Variants in GFPT1 observed in about 807,000 individuals in gnomAD.
The protein encoded by GFPT1 is glutamine--fructose-6-phosphate aminotransferase [isomerizing] 1.
Under a neutral mutation model 92.0 loss-of-function variants are expected in GFPT1, and 40 were observed. The observed-to-expected ratio is 0.43, with a 90% confidence interval of 0.34 to 0.57. The LOEUF is 0.57. Among genes scored for constraint, GFPT1 ranks in the 20% least tolerant of loss-of-function variants. The pLI is 0.02. For synonymous variants in GFPT1, 269 were observed against 280.6 expected (o/e 0.96, Z 0.41); for missense variants, 448 against 869.1 (o/e 0.52, Z 6.09).
chr2:69,368,005 T>C (rs1028615963), intron 3 of GFPT1, among the ~76,000 whole-genome samples: 4 of 152,144 alleles, frequency 2.6e-5, no homozygotes, highest in African/African-American at 7.2e-5. Flanking sequence ...TTCTAGCACT[T>C]TGGGAGGTCA....
At chr2:69,376,975 A>T (rs1035968446) in intron 1 of GFPT1, among the ~76,000 whole-genome samples, 3 of 152,184 alleles carry the variant, frequency 2.0e-5, no homozygotes, top group African/African-American at 7.2e-5. Context: ...CTTGGAGGCC[A>T]AGGCGAGTGG....
intron 5 of GFPT1, 114 bp from the exon 6 acceptor site, chr2:69,358,577 CA>C: frequency 1.3e-6 from 1 of 743,534 alleles, no homozygotes; most frequent in East Asian, 2.7e-5. Flanking sequence ...CTTTGAACAC[CA>C]TATCCCATTA....
At chr2:69,369,531 A>C (rs1671692319) in intron 3 of GFPT1, among the ~76,000 whole-genome samples, 1 of 152,204 alleles carries the variant, frequency 6.6e-6, no homozygotes, top group Non-Finnish European at 1.5e-5. Context: ...CAGAGAAGAA[A>C]ACTGTGAGGG....
rs951205283 is a variant in GFPT1 at position 69,354,405 on chromosome 2, C to T, written c.685+84G>A. The T allele has an allele frequency of 1.3e-5, 17 of 1,270,430 alleles. No individual in the cohort carries two copies. In the African/African-American group the frequency reaches 2.2e-4, roughly 16 times the overall value. The allele number at this position is 1,270,430 out of a possible 1,614,324, so 78.7% of individuals were successfully genotyped here. A position where few individuals can be genotyped will look rare whatever the true frequency, so the allele number is the denominator to read the frequency against. ...CTAGACAGAACTATATATACATGTG[C>T]ATCTGACCAAAGAGCCATCTATTCC... is the stretch of plus-strand genomic sequence containing the variant. On this transcript the variant is annotated intron_variant, in intron 8 of 19. Coordinates refer to ENST00000357308, the MANE Select transcript of GFPT1 (RefSeq NM_001244710.2).
In GFPT1 at chr2:69,358,407, G is replaced by A. The variant is rs759065498; in HGVS notation, c.465C>T (p.Leu155=). 1.2e-5 allele frequency: 20 copies of A among 1,609,474 alleles called. No individual in the cohort carries two copies. Among genetic ancestry groups the A allele is most frequent in the Middle Eastern group, 3.3e-4 (2 of 6,070 alleles). Residue 155 remains leucine (L), a synonymous_variant, in exon 6 of 20, where the codon CTC becomes CTT. Coordinates refer to ENST00000357308, the MANE Select transcript of GFPT1 (RefSeq NM_001244710.2). ...SETDTETIAK[L]VKYMYDNRES... Reference sequence around the variant, plus strand: ...CCCGATTGTCATACATATACTTAACGAGCTTGGCAATTGTCTCTGTGTCTG... The same window carrying A: ...CCCGATTGTCATACATATACTTAACAAGCTTGGCAATTGTCTCTGTGTCTG...
chr2:69,375,736 G>C (rs1434665325), intron 1 of GFPT1, among the ~76,000 whole-genome samples: 1 of 152,150 alleles, frequency 6.6e-6, no homozygotes, highest in Non-Finnish European at 1.5e-5. Context: ...AGGGAGGGTA[G>C]AACATCTATC....
At chr2:69,348,477 C>T in intron 10 of GFPT1, 143 bp from the exon 11 acceptor site, 1 of 730,934 alleles carries the variant, frequency 1.4e-6, no homozygotes, top group Non-Finnish European at 2.4e-6. Context: ...GTTACTAATG[C>T]CAACCCCTAC....
At chr2:69,343,677 G>T (rs1671011844) in intron 12 of GFPT1, among the ~76,000 whole-genome samples, 1 of 151,720 alleles carries the variant, frequency 6.6e-6, no homozygotes, top group Admixed American at 6.6e-5. Flanking sequence ...CTCCCAAAGT[G>T]CTGGGATTAC....
In GFPT1 at chr2:69,327,013, C is replaced by T. The variant is rs368308347; in HGVS notation, c.1956G>A (p.Thr652=). 4.3e-6 allele frequency: 7 copies of T among 1,613,952 alleles called. No homozygotes were observed. The highest frequency in any genetic ancestry group is 5.9e-6 in the Non-Finnish European group (7 of 1,179,958). ...DTETIKNTKR[T]IKVPHSVDCL... is the part of the protein sequence containing the mutation. The stretch of plus-strand genomic sequence containing the variant: ...AGTCCACTGAGTGGGGCACCTTGAT[C>T]GTTCTTTTTGTGTTCTTAATGGTCT... The change falls in exon 19 of 20, where the codon ACG becomes ACA. Residue 652 remains threonine (T), a synonymous_variant. Transcript: ENST00000357308.
intron 3 of GFPT1, among the ~76,000 whole-genome samples, chr2:69,367,751 C>T (rs995275780): frequency 6.6e-6 from 1 of 152,184 alleles, no homozygotes. Flanking sequence ...TGTCATGTCA[C>T]CTTGTTCACT....
At chr2:69,335,469 A>G (rs1670772530) in intron 15 of GFPT1, among the ~76,000 whole-genome samples, 1 of 152,180 alleles carries the variant, frequency 6.6e-6, no homozygotes, top group African/African-American at 2.4e-5. Flanking sequence ...GATTAAGTCA[A>G]TGGCATCCAT....
In GFPT1 at chr2:69,348,177, T is replaced by TG; in HGVS notation, c.1002dup (p.Met335HisfsTer15). 1 of 1,613,480 alleles carries TG rather than the reference T, an allele frequency of 6.2e-7. No individual in the cohort carries two copies. ...ACATGACAAAAACTTTCACCCTTCA[T>TG]GATCTGCTGGAGTTCCATCTGGAGT... is the stretch of plus-strand genomic sequence containing the variant. On this transcript the variant is annotated frameshift_variant, in exon 11 of 20. Coordinates refer to ENST00000357308, the MANE Select transcript of GFPT1 (RefSeq NM_001244710.2). LOFTEE classifies it high-confidence loss of function.
At chr2:69,376,927 C>T (rs899577779) in intron 1 of GFPT1, among the ~76,000 whole-genome samples, 3 of 151,758 alleles carry the variant, frequency 2.0e-5, no homozygotes, top group South Asian at 2.1e-4. Context: ...AAGATTAATG[C>T]GGCAGGGCTG....
chr2:69,354,401 T>A, intron 8 of GFPT1, 88 bp downstream of exon 8: 1 of 1,279,870 alleles, frequency 7.8e-7, no homozygotes, highest in Non-Finnish European at 1.1e-6. Context: ...TATATATACA[T>A]GTGCATCTGA....
chr2:69,358,305 A>C (rs1239944008), intron 6 of GFPT1, 24 bp downstream of exon 6: 1 of 1,595,126 alleles, frequency 6.3e-7, no homozygotes, highest in East Asian at 2.2e-5. Flanking sequence ...TGGCATAATT[A>C]TCTTTAAAAA....
At chr2:69,354,167 G>T in intron 9 of GFPT1, 92 bp downstream of exon 9, 1 of 837,608 alleles carries the variant, frequency 1.2e-6, no homozygotes, top group Non-Finnish European at 1.8e-6. Context: ...TAGAGGCCCA[G>T]CACATTCATT....
chr2:69,322,774 A>C lies in GFPT1; in HGVS notation c.*3415T>G, dbSNP rs911666874. ...ATTAAGGACTGTTGTTAACAGATTT[A>C]TGGGTCATTTGTAGCTTACTTTGCA... On this transcript the variant is annotated 3_prime_UTR_variant, in exon 20 of 20. Coordinates refer to ENST00000357308, the MANE Select transcript of GFPT1 (RefSeq NM_001244710.2). 6.6e-5 allele frequency: 10 copies of C among 152,236 alleles called. No homozygotes were observed. Among genetic ancestry groups the C allele is most frequent in the African/African-American group, 2.2e-4 (9 of 41,458 alleles). The allele number at this position is 152,236 out of a possible 1,614,324, so 9.4% of individuals were successfully genotyped here. A position where few individuals can be genotyped will look rare whatever the true frequency, so the allele number is the denominator to read the frequency against.
chr2:69,360,444 T>TTTC (rs1671441718), intron 4 of GFPT1, among the ~76,000 whole-genome samples: 1 of 149,252 alleles, frequency 6.7e-6, no homozygotes, highest in African/African-American at 2.4e-5. Flanking sequence ...ATCAAAATAT[T>TTTC]TTTTTTTTTT....
chr2:69,386,448 C>T (rs747562584), intron 1 of GFPT1, among the ~76,000 whole-genome samples: 30 of 152,250 alleles, frequency 2.0e-4, no homozygotes, highest in Non-Finnish European at 2.9e-4. Flanking sequence ...AACCTATCGC[C>T]ACAGACATTT....
Sources: allele counts gnomAD v4.1 joint callset (sites outside exome capture counted in the v4.1 genomes callset), GRCh38; gene constraint gnomAD v4.1.1; transcripts MANE v1.5; gene names NCBI Gene and HGNC (gene_info 2026-07-23, HGNC 2026-07-21).